PLCL1: variants seen among roughly 807,000 people sequenced by gnomAD.
PLCL1 encodes phospholipase C like 1 (inactive), also known as inactive phospholipase C-like protein 1.
A neutral mutation model predicts 84.4 loss-of-function variants in PLCL1; 41 were observed. The ratio of observed to expected loss-of-function variants is 0.49; its 90% confidence interval spans 0.38 to 0.63. PLCL1 has a LOEUF of 0.63. PLCL1 is among the 30% of genes least tolerant of loss of function. The pLI is 0.00. For synonymous variants in PLCL1, 490 were observed against 488.3 expected (o/e 1.00, Z -0.05); for missense variants, 1,206 against 1,367.8 (o/e 0.88, Z 1.87).
chr2:197,979,509 C>A (rs1409925158), intron 1 of PLCL1, among the ~76,000 whole-genome samples: 1 of 152,328 alleles, frequency 6.6e-6, no homozygotes, highest in Non-Finnish European at 1.5e-5. Context: ...CTCTCTGCCA[C>A]CAGCTTCATC....
At chr2:198,139,920 A>T (rs1694343927) in intron 5 of PLCL1, among the ~76,000 whole-genome samples, 1 of 152,050 alleles carries the variant, frequency 6.6e-6, no homozygotes, top group African/African-American at 2.4e-5. Context: ...AGAATTTGAA[A>T]CATTAAATTT....
intron 1 of PLCL1, among the ~76,000 whole-genome samples, chr2:198,015,104 T>C (rs1690966037): frequency 6.6e-6 from 1 of 152,156 alleles, no homozygotes; most frequent in Non-Finnish European, 1.5e-5. Flanking sequence ...TGATTTCCAC[T>C]CCACTAGAAA....
Position 198,013,159 on chromosome 2 carries a change from G to C in PLCL1, c.241-70599G>C, listed in dbSNP as rs1244475794. Among the ~76,000 whole-genome samples the C allele has an allele frequency of 5.9e-5, 9 of 151,980 alleles. No homozygotes were observed. In the South Asian group the frequency reaches 8.3e-4, roughly 14 times the overall value. On this transcript the variant is annotated intron_variant, in intron 1 of 5. Coordinates refer to ENST00000428675, the MANE Select transcript of PLCL1 (RefSeq NM_006226.4). ...ATATGGTTGGCTTTGCACTTGCCTG[G>C]GGTGCAGGATCCTTTTAACTGGTTT... is the stretch of plus-strand genomic sequence containing the variant.
chr2:197,811,740 A>G (rs1331118924), intron 1 of PLCL1, among the ~76,000 whole-genome samples: 2 of 152,222 alleles, frequency 1.3e-5, no homozygotes, highest in Non-Finnish European at 2.9e-5. Context: ...ATACCTTTGA[A>G]AGATAATATC....
chr2:197,931,682 A>AC (rs1420191882), intron 1 of PLCL1, among the ~76,000 whole-genome samples: 25 of 28,156 alleles, frequency 8.9e-4, no homozygotes, highest in African/African-American at 1.2e-3. Context: ...CCAACCACCC[A>AC]CCCACCCACC....
intron 1 of PLCL1, among the ~76,000 whole-genome samples, chr2:198,054,571 G>T (rs2105871626): frequency 6.6e-6 from 1 of 152,320 alleles, no homozygotes; most frequent in South Asian, 2.1e-4. Flanking sequence ...GAGTAGAATA[G>T]GAACCCATTC....
rs1688244455 is a variant in PLCL1, at chr2:197,900,552, GA to G, written c.240+95215del. On this transcript the variant is annotated intron_variant, in intron 1 of 5. Coordinates refer to ENST00000428675, the MANE Select transcript of PLCL1 (RefSeq NM_006226.4). The stretch of plus-strand genomic sequence containing the variant: ...CTGTGGGTCTCACCAATGTGTGAAA[GA>G]ATAGTCCTTGGACCTCGGGATCATT... Among the ~76,000 whole-genome samples the G allele has an allele frequency of 2.6e-5, 4 of 152,190 alleles. No homozygotes were observed. The South Asian group carries it at 8.3e-4, about 32-fold the overall frequency.
intron 1 of PLCL1, among the ~76,000 whole-genome samples, chr2:197,925,673 A>G (rs1688817597): frequency 6.6e-6 from 1 of 152,104 alleles, no homozygotes; most frequent in Non-Finnish European, 1.5e-5. Context: ...CATCCATCAT[A>G]AATGTTAATG....
intron 1 of PLCL1, among the ~76,000 whole-genome samples, chr2:197,897,541 T>C (rs1256770796): frequency 1.3e-5 from 2 of 152,122 alleles, no homozygotes; most frequent in Non-Finnish European, 2.9e-5. Flanking sequence ...TAAGGGTACC[T>C]AACTTATTTT....
chr2:197,876,876 T>C (rs1687744398), intron 1 of PLCL1, among the ~76,000 whole-genome samples: 1 of 152,200 alleles, frequency 6.6e-6, no homozygotes. Flanking sequence ...TAGGTTATGC[T>C]ATAGATTTTA....
intron 1 of PLCL1, among the ~76,000 whole-genome samples, chr2:197,955,966 C>T (rs912514692): frequency 6.6e-6 from 1 of 151,832 alleles, no homozygotes; most frequent in African/African-American, 2.4e-5. Context: ...GCTCTCCCTC[C>T]CCTTGCCCCC....
intron 1 of PLCL1, among the ~76,000 whole-genome samples, chr2:198,026,989 A>G (rs563651679): frequency 9.2e-5 from 14 of 152,310 alleles, no homozygotes; most frequent in South Asian, 4.1e-4. Flanking sequence ...AAGAACTACT[A>G]TATGATCCAG....
intron 1 of PLCL1, among the ~76,000 whole-genome samples, chr2:198,058,792 C>G (rs1469238698): frequency 2.6e-5 from 4 of 152,128 alleles, no homozygotes; most frequent in African/African-American, 9.6e-5. Flanking sequence ...CATATGATTG[C>G]TTTATTTTAT....
At chr2:197,972,053 A>G (rs7581202) in intron 1 of PLCL1, among the ~76,000 whole-genome samples, 27,775 of 152,194 alleles carry the variant, frequency 0.18, 2,601 homozygotes, top group East Asian at 0.27. Flanking sequence ...TTAGGCTCCA[A>G]TTGATTTTCT....
At chr2:197,891,898 T>C (rs1688036691) in intron 1 of PLCL1, among the ~76,000 whole-genome samples, 1 of 152,102 alleles carries the variant, frequency 6.6e-6, no homozygotes, top group Non-Finnish European at 1.5e-5. Flanking sequence ...CTAAATGATG[T>C]TGAGGGCCCT....
intron 1 of PLCL1, among the ~76,000 whole-genome samples, chr2:197,953,055 G>C (rs1039607102): frequency 6.6e-6 from 1 of 152,030 alleles, no homozygotes; most frequent in African/African-American, 2.4e-5. Context: ...GATATAGCTG[G>C]TGCCTCCACA....
At chr2:198,068,211 G>T (rs1261211661) in intron 1 of PLCL1, among the ~76,000 whole-genome samples, 1 of 152,090 alleles carries the variant, frequency 6.6e-6, no homozygotes, top group African/African-American at 2.4e-5. Flanking sequence ...AATGATTATA[G>T]ATTATAAATG....
chr2:197,948,830 G>C (rs1320049129), intron 1 of PLCL1, among the ~76,000 whole-genome samples: 2 of 152,190 alleles, frequency 1.3e-5, no homozygotes, highest in East Asian at 3.9e-4. Flanking sequence ...AAAAGGGGCA[G>C]AGGGTTTTGG....
At chr2:197,994,799 C>G (rs1020098314) in intron 1 of PLCL1, among the ~76,000 whole-genome samples, 2 of 152,072 alleles carry the variant, frequency 1.3e-5, no homozygotes, top group African/African-American at 4.8e-5. Flanking sequence ...ATTGTGAAGG[C>G]CTAATTTCTG....
Sources: gnomAD v4.1 joint callset for allele counts (sites outside exome capture counted in the v4.1 genomes callset) on GRCh38, gnomAD v4.1.1 for gene constraint, MANE v1.5 for transcripts, NCBI Gene and HGNC (gene_info 2026-07-23, HGNC 2026-07-21) for gene names.